Variants in C1orf94 observed in about 807,000 individuals in gnomAD.
The protein encoded by C1orf94 is uncharacterized protein C1orf94.
In C1orf94, 45 loss-of-function variants were observed where a neutral mutation model predicts 53.6. That is an observed-to-expected ratio of 0.84 (90% confidence interval 0.66 to 1.08). C1orf94 has a LOEUF of 1.08. Among genes scored for constraint, C1orf94 ranks in the 50% least tolerant of loss-of-function variants. The pLI is 0.00. For missense variants in C1orf94, 762 were observed against 738.9 expected, an observed-to-expected ratio of 1.03 and a Z score of -0.36; for synonymous variants, 304 against 296.1, an observed-to-expected ratio of 1.03 and a Z score of -0.27.
intron 6 of C1orf94, among the ~76,000 whole-genome samples, chr1:34,217,802 T>G (rs936005045): frequency 6.6e-6 from 1 of 152,232 alleles, no homozygotes; most frequent in African/African-American, 2.4e-5. Context: ...GAATCTCTTC[T>G]ATAATATGCA....
At chr1:34,206,218 G>A (rs1028845242) in intron 4 of C1orf94, among the ~76,000 whole-genome samples, 6 of 152,152 alleles carry the variant, frequency 3.9e-5, no homozygotes, top group Non-Finnish European at 8.8e-5. Context: ...GAGGACCAGG[G>A]CCACCAGCTT....
In C1orf94 at chr1:34,178,004, G is replaced by A; in HGVS notation, c.215G>A (p.Arg72Lys). ...AAGACTTGCCATGAAATCTGGAAGA[G>A]AGTTCAAGGCCTGCCTGAGGCCTCA... The part of the protein sequence containing the change: ...LDKTCHEIWK[R>K]VQGLPEASQP... The change falls in exon 1 of 7, where the codon AGA (arginine) becomes AAA (lysine). Residue 72 changes from arginine to lysine, a missense_variant. Physicochemically the swap from Arg to Lys is conservative, Grantham distance 26. Coordinates refer to ENST00000488417, the MANE Select transcript of C1orf94 (RefSeq NM_001134734.2). The A allele has an allele frequency of 1.9e-6, 3 of 1,551,764 alleles. No homozygotes were observed. Among genetic ancestry groups the A allele is most frequent in the Non-Finnish European group, 2.6e-6 (3 of 1,147,004 alleles).
At chr1:34,217,426 G>C (rs927101325) in intron 6 of C1orf94, among the ~76,000 whole-genome samples, 5 of 152,202 alleles carry the variant, frequency 3.3e-5, no homozygotes, top group African/African-American at 1.2e-4. Context: ...TTGTAAGTCA[G>C]AGTGGAAGGC....
chr1:34,171,619 A>G (rs988782881), intron 1 of C1orf94, among the ~76,000 whole-genome samples: 5 of 152,230 alleles, frequency 3.3e-5, no homozygotes, highest in African/African-American at 1.2e-4. Flanking sequence ...GAGAACCCTG[A>G]TGCGAGAAAC....
Position 34,197,276 on chromosome 1 carries a change from G to A in C1orf94, c.372G>A (p.Gln124=). ...ATGAGATCTCCTTGTTGGTGGAACA[G>A]GAGTTCCTAAGCCTCACCAAAGAGC... The part of the protein sequence containing the change: ...GKDEISLLVE[Q]EFLSLTKEHS... Residue 124 remains glutamine, a synonymous_variant, in exon 2 of 7, where the codon CAG becomes CAA. Coordinates refer to ENST00000488417, the MANE Select transcript of C1orf94 (RefSeq NM_001134734.2). This position sits in a 1 kb window ranked among gnomAD's most constrained non-coding sequence, Gnocchi z 4.1. 6.4e-7 allele frequency: 1 copy of A among 1,550,908 alleles called. No homozygotes were observed. The highest frequency in any genetic ancestry group is 8.7e-7 in the Non-Finnish European group (1 of 1,146,422).
At chr1:34,214,908 C>CA (rs1642957605) in intron 6 of C1orf94, among the ~76,000 whole-genome samples, 1 of 152,122 alleles carries the variant, frequency 6.6e-6, no homozygotes, top group African/African-American at 2.4e-5. Flanking sequence ...GTAAGGGATG[C>CA]AAGCCTGAGT....
intron 1 of C1orf94, among the ~76,000 whole-genome samples, chr1:34,171,740 G>A (rs1344907661): frequency 6.6e-6 from 1 of 152,144 alleles, no homozygotes; most frequent in Non-Finnish European, 1.5e-5. Context: ...CATGCTTGGG[G>A]TTATTTCCTG....
Position 34,177,891 on chromosome 1 carries a change from G to C in C1orf94, c.102G>C (p.Ser34=), listed in dbSNP as rs546331689. 12 of 1,551,644 alleles carry C rather than the reference G, an allele frequency of 7.7e-6. No homozygotes were observed. Among genetic ancestry groups the C allele is most frequent in the African/African-American group, 5.5e-5 (4 of 73,180 alleles). ...MASGNGLPSS[S]ALVAKGPCAL... ...GCGGGAATGGGCTTCCTTCATCCTC[G>C]GCCCTGGTGGCCAAGGGCCCCTGCG... The change falls in exon 1 of 7, where the codon TCG becomes TCC. Residue 34 remains serine (S), a synonymous_variant. Coordinates refer to ENST00000488417, the MANE Select transcript of C1orf94 (RefSeq NM_001134734.2).
rs757586827 is a variant in C1orf94 at position 34,197,892 on chromosome 1, G to C, written c.988G>C (p.Val330Leu). Residue 330 changes from valine to leucine, a missense_variant, in exon 2 of 7, where the codon GTG becomes CTG. Transcript: ENST00000488417. This position sits in a 1 kb window ranked among gnomAD's most constrained non-coding sequence, Gnocchi z 4.1. ...TTCCAAGCCCAAGGCTGACCCTGCT[G>C]TGGAGAGGCACCACTTGATGGGTGA... ...ICSKPKADPA[V>L]ERHHLMEWSP... is the part of the protein sequence containing the mutation. 1.5e-5 allele frequency: 25 copies of C among 1,613,712 alleles called. No individual in the cohort carries two copies. The highest frequency in any genetic ancestry group is 5.3e-5 in the African/African-American group (4 of 74,946).
chr1:34,171,288 C>A (rs752724036), intron 1 of C1orf94, among the ~76,000 whole-genome samples: 1 of 152,210 alleles, frequency 6.6e-6, no homozygotes. Flanking sequence ...GTGTTTTGTT[C>A]TCTCTGCCTA....
intron 1 of C1orf94, 62 bp downstream of exon 1, chr1:34,178,171 T>C: frequency 1.3e-6 from 2 of 1,486,228 alleles, no homozygotes; most frequent in Non-Finnish European, 1.8e-6. Context: ...TCTGACCTTC[T>C]GGGGGAATGT....
In C1orf94 at chr1:34,177,949, C is replaced by T; in HGVS notation, c.160C>T (p.His54Tyr). The change falls in exon 1 of 7, where the codon CAC becomes TAC. Residue 54 changes from histidine (H) to tyrosine (Y), a missense_variant. Transcript: ENST00000488417. ...LGPFPRYIWI[H>Y]QDTPQDSLDK... ...CCCATTCCCCAGATACATCTGGATCCACCAGGACACACCCCAAGACAGCCT... is the reference window on the plus strand; with the variant it reads ...CCCATTCCCCAGATACATCTGGATCTACCAGGACACACCCCAAGACAGCCT... The T allele has an allele frequency of 6.4e-7, 1 of 1,551,744 alleles. No individual in the cohort carries two copies. The highest frequency in any genetic ancestry group is 8.7e-7 in the Non-Finnish European group (1 of 1,147,002).
At chr1:34,171,096 T>A (rs1642139471) in intron 1 of C1orf94, among the ~76,000 whole-genome samples, 2 of 152,186 alleles carry the variant, frequency 1.3e-5, no homozygotes, top group Admixed American at 1.3e-4. Context: ...CCCTATGGCC[T>A]ACAGAGTAAA....
intron 4 of C1orf94, 27 bp from the exon 5 acceptor site, chr1:34,208,130 C>T (rs756432508): frequency 1.9e-6 from 3 of 1,611,624 alleles, no homozygotes; most frequent in Non-Finnish European, 2.5e-6. Context: ...CCTTGCCTGG[C>T]CATACTGAGC....
At chr1:34,207,851 T>C (rs1255961151) in intron 4 of C1orf94, among the ~76,000 whole-genome samples, 1 of 152,136 alleles carries the variant, frequency 6.6e-6, no homozygotes, top group Non-Finnish European at 1.5e-5. Flanking sequence ...GGCTCAGAGA[T>C]GTGATTTGCC....
At chr1:34,193,563 TG>T (rs1332957531) in intron 1 of C1orf94, among the ~76,000 whole-genome samples, 4 of 152,116 alleles carry the variant, frequency 2.6e-5, no homozygotes, top group Non-Finnish European at 4.4e-5. Flanking sequence ...AAGCCCAGGC[TG>T]GGGGTGGGGA....
chr1:34,199,367 C>T (rs1312615786), intron 2 of C1orf94, among the ~76,000 whole-genome samples: 2 of 152,152 alleles, frequency 1.3e-5, no homozygotes, highest in Non-Finnish European at 2.9e-5. Context: ...GGGCTGAATT[C>T]GGCAACCGGA....
intron 5 of C1orf94, among the ~76,000 whole-genome samples, chr1:34,211,879 A>G (rs35295548): frequency 0.13 from 20,433 of 152,154 alleles, 1,516 homozygotes; most frequent in Middle Eastern, 0.23. Flanking sequence ...GGGAAAAGCT[A>G]GGCAAACAGG....
chr1:34,194,501 AG>A (rs1642548300), intron 1 of C1orf94, among the ~76,000 whole-genome samples: 2 of 152,136 alleles, frequency 1.3e-5, no homozygotes, highest in African/African-American at 4.8e-5. Flanking sequence ...AGCTACTTTG[AG>A]TATGTGCGTG....
Sources: gnomAD v4.1 joint callset for allele counts (sites outside exome capture counted in the v4.1 genomes callset) on GRCh38, gnomAD v4.1.1 for gene constraint, Gnocchi (gnomAD v3.1) non-coding constraint, MANE v1.5 for transcripts, NCBI Gene and HGNC (gene_info 2026-07-23, HGNC 2026-07-21) for gene names.